ADAMTS18: variants seen among roughly 807,000 people sequenced by gnomAD.
ADAMTS18 encodes the protein A disintegrin and metalloproteinase with thrombospondin motifs 18.
Under a neutral mutation model 165.9 loss-of-function variants are expected in ADAMTS18, and 157 were observed. That is an observed-to-expected ratio of 0.95 (90% CI 0.83 to 1.08). ADAMTS18 has a LOEUF of 1.08. ADAMTS18 is among the 50% of genes least tolerant of loss of function. The probability of loss-of-function intolerance (pLI) is 0.00; values close to 1 mark genes in which losing one functional copy is unlikely to be tolerated. For synonymous variants in ADAMTS18, 782 were observed against 578.2 expected (o/e 1.35, Z -5.06); for missense variants, 2,040 against 1,534.0 (o/e 1.33, Z -5.51).
chr16:77,359,344 G>C lies in ADAMTS18; in HGVS notation c.1296C>G (p.Phe432Leu), dbSNP rs1275057737. ...TGTGCCCTGACTCATGAGCGATGGT[G>C]AAGGCAAGGCCAAGTCCTGTGTCCT... ...INEDTGLGLA[F>L]TIAHESGHNF... The change falls in exon 8 of 23, where the codon TTC becomes TTG. Residue 432 changes from phenylalanine (F) to leucine (L), a missense_variant. By Grantham distance (22) the Phe-to-Leu change is conservative (BLOSUM62 0). Coordinates refer to ENST00000282849, the MANE Select transcript of ADAMTS18 (RefSeq NM_199355.4). The C allele has an allele frequency of 5.6e-6, 9 of 1,613,984 alleles. No homozygotes were observed. The highest frequency in any genetic ancestry group is 7.6e-6 in the Non-Finnish European group (9 of 1,180,020).
chr16:77,428,124 C>A (rs1439899577), intron 3 of ADAMTS18, among the ~76,000 whole-genome samples: 1 of 152,144 alleles, frequency 6.6e-6, no homozygotes, highest in Admixed American at 6.5e-5. Flanking sequence ...AGTGGTCTGG[C>A]CCCACTCAGA....
chr16:77,343,775 A>C (rs1413717125), intron 10 of ADAMTS18, among the ~76,000 whole-genome samples: 3 of 152,216 alleles, frequency 2.0e-5, no homozygotes, highest in Non-Finnish European at 4.4e-5. Context: ...TAAAGTTGAT[A>C]TTTACAATTA....
intron 3 of ADAMTS18, among the ~76,000 whole-genome samples, chr16:77,394,971 C>T (rs763969541): frequency 6.6e-6 from 1 of 152,148 alleles, no homozygotes; most frequent in Non-Finnish European, 1.5e-5. Context: ...TCTATCTAGG[C>T]TCTCAACATG....
intron 10 of ADAMTS18, among the ~76,000 whole-genome samples, chr16:77,346,089 C>T (rs1432945843): frequency 6.6e-6 from 1 of 152,182 alleles, no homozygotes; most frequent in Non-Finnish European, 1.5e-5. Flanking sequence ...CTTCAACTAT[C>T]TGCATCTCTC....
At chr16:77,404,615 C>T (rs2057371411) in intron 3 of ADAMTS18, among the ~76,000 whole-genome samples, 1 of 152,150 alleles carries the variant, frequency 6.6e-6, no homozygotes, top group African/African-American at 2.4e-5. Context: ...CAGTGCTGGA[C>T]TGTTTTGTCT....
intron 21 of ADAMTS18, chr16:77,290,983 GC>G: frequency 2.6e-6 from 1 of 389,094 alleles, no homozygotes; most frequent in East Asian, 5.6e-5. Context: ...ACCAACATTA[GC>G]AGTGTATAAC....
intron 3 of ADAMTS18, among the ~76,000 whole-genome samples, chr16:77,368,445 T>C (rs968808240): frequency 4.6e-5 from 7 of 151,526 alleles, no homozygotes; most frequent in Admixed American, 6.6e-5. Flanking sequence ...TTCTTTTTTT[T>C]TTTTTTTTTG....
intron 3 of ADAMTS18, among the ~76,000 whole-genome samples, chr16:77,429,590 T>A (rs2162956): frequency 0.016 from 2,380 of 151,384 alleles, 55 homozygotes; most frequent in African/African-American, 0.051. Context: ...CTAAAAGTTT[T>A]AAAAAAAAAT....
At chr16:77,346,983 C>G (rs1320995509) in intron 10 of ADAMTS18, among the ~76,000 whole-genome samples, 1 of 152,172 alleles carries the variant, frequency 6.6e-6, no homozygotes, top group Non-Finnish European at 1.5e-5. Flanking sequence ...CTTCTTAGGG[C>G]AACCACCATT....
chr16:77,285,047 G>C (rs1396565326), intron 22 of ADAMTS18, among the ~76,000 whole-genome samples: 1 of 152,172 alleles, frequency 6.6e-6, no homozygotes, highest in African/African-American at 2.4e-5. Flanking sequence ...TGTTCAATGA[G>C]CAGGACAGAT....
intron 3 of ADAMTS18, 140 bp downstream of exon 3, chr16:77,431,155 T>C (rs778145245): frequency 9.2e-6 from 8 of 865,650 alleles, no homozygotes; most frequent in African/African-American, 1.7e-5. Context: ...ATTAATTCAA[T>C]TGAGAATATT....
intron 4 of ADAMTS18, 45 bp from the exon 5 acceptor site, chr16:77,364,426 C>A (rs771652319): frequency 6.3e-6 from 10 of 1,591,220 alleles, no homozygotes; most frequent in Non-Finnish European, 8.6e-6. Context: ...TAGAGAATAT[C>A]TGGATAAGAC....
intron 18 of ADAMTS18, among the ~76,000 whole-genome samples, chr16:77,296,884 T>C (rs1443349222): frequency 2.6e-5 from 4 of 152,240 alleles, no homozygotes; most frequent in Admixed American, 6.5e-5. Context: ...AAATAGCCAG[T>C]AAATTTATTC....
rs1395023775 is a variant in ADAMTS18 at position 77,434,782 on chromosome 16, G to A, written c.-87C>T. On this transcript the variant is annotated 5_prime_UTR_variant, in exon 1 of 23. Coordinates refer to ENST00000282849, the MANE Select transcript of ADAMTS18 (RefSeq NM_199355.4). ...CGCGCATTCTTTCCGCGGCCCCGGA[G>A]CTCGGCGCCCCAGGTGCGGCTCCAG... 1.1e-5 allele frequency: 13 copies of A among 1,165,142 alleles called. 1 individual carries two copies. The Admixed American group carries it at 4.0e-4, about 36-fold the overall frequency. The allele number at this position is 1,165,142 out of a possible 1,614,324, so 72.2% of individuals were successfully genotyped here. A position where few individuals can be genotyped will look rare whatever the true frequency, so the allele number is the denominator to read the frequency against.
chr16:77,292,909 T>C, intron 20 of ADAMTS18, 167 bp downstream of exon 20: 1 of 701,414 alleles, frequency 1.4e-6, no homozygotes, highest in African/African-American at 1.8e-5. Flanking sequence ...AAACTCCGCC[T>C]CCTGGGTTCA....
At chr16:77,337,644 T>G (rs1208043268) in intron 11 of ADAMTS18, among the ~76,000 whole-genome samples, 1 of 152,184 alleles carries the variant, frequency 6.6e-6, no homozygotes, top group East Asian at 1.9e-4. Flanking sequence ...CTAATCTAAT[T>G]TCTTTTTGGA....
Position 77,341,857 on chromosome 16 carries a change from A to G in ADAMTS18, c.1615-58T>C, listed in dbSNP as rs1396090219. 13 of 1,228,370 alleles carry G rather than the reference A, an allele frequency of 1.1e-5. No homozygotes were observed. The South Asian group carries it at 1.5e-4, about 14-fold the overall frequency. The allele number at this position is 1,228,370 out of a possible 1,614,324, so 76.1% of individuals were successfully genotyped here. A position where few individuals can be genotyped will look rare whatever the true frequency, so the allele number is the denominator to read the frequency against. On this transcript the variant is annotated intron_variant, in intron 10 of 22. Transcript: ENST00000282849. The stretch of plus-strand genomic sequence containing the variant: ...GGTGATATACAATAAAAACAAAAAT[A>G]TTCAAAGATGTTGTATATAATATTA...
intron 9 of ADAMTS18, among the ~76,000 whole-genome samples, chr16:77,354,357 T>C (rs1341468074): frequency 6.6e-6 from 1 of 152,128 alleles, no homozygotes; most frequent in African/African-American, 2.4e-5. Flanking sequence ...GTCAAAGATG[T>C]ACTTTAACTC....
intron 3 of ADAMTS18, among the ~76,000 whole-genome samples, chr16:77,374,187 C>G (rs1004089585): frequency 2.7e-5 from 4 of 150,276 alleles, no homozygotes; most frequent in African/African-American, 9.9e-5. Flanking sequence ...CCACTACATT[C>G]CAACCTGGGC....
Sources: allele counts gnomAD v4.1 joint callset (sites outside exome capture counted in the v4.1 genomes callset), GRCh38; gene constraint gnomAD v4.1.1; transcripts MANE v1.5; gene names NCBI Gene and HGNC (gene_info 2026-07-23, HGNC 2026-07-21).